Variants in NPEPPS observed in about 807,000 individuals in gnomAD.
NPEPPS encodes aminopeptidase puromycin sensitive.
NPEPPS carries 14 observed loss-of-function variants against 115.5 expected under a neutral mutation model. That is an observed-to-expected ratio of 0.12 (90% confidence interval 0.08 to 0.19). The LOEUF is 0.19. NPEPPS is among the 10% of genes least tolerant of loss of function. The probability of loss-of-function intolerance (pLI) is 1.00; values close to 1 mark genes in which losing one functional copy is unlikely to be tolerated. For missense variants in NPEPPS, 523 were observed against 1,110.8 expected, an observed-to-expected ratio of 0.47 and a Z score of 7.52; for synonymous variants, 285 against 390.6, an observed-to-expected ratio of 0.73 and a Z score of 3.19.
intron 2 of NPEPPS, among the ~76,000 whole-genome samples, chr17:47,558,489 G>A (rs1910211702): frequency 6.6e-6 from 1 of 152,038 alleles, no homozygotes. Flanking sequence ...GAGTGCAGTG[G>A]CTAGATCTCG....
At chr17:47,537,407 T>C (rs904717484) in intron 1 of NPEPPS, among the ~76,000 whole-genome samples, 6 of 152,024 alleles carry the variant, frequency 3.9e-5, no homozygotes, top group Non-Finnish European at 5.9e-5. Context: ...TAAAAAAGTT[T>C]ACTAGGCTGG....
chr17:47,551,381 T>A (rs1909638427), intron 2 of NPEPPS, among the ~76,000 whole-genome samples: 1 of 151,772 alleles, frequency 6.6e-6, no homozygotes. Context: ...AAATGAAGTT[T>A]ATTATTTATT....
chr17:47,548,921 T>C (rs1909434736), intron 2 of NPEPPS, among the ~76,000 whole-genome samples: 1 of 152,116 alleles, frequency 6.6e-6, no homozygotes, highest in Non-Finnish European at 1.5e-5. Flanking sequence ...GCTAAGCTCA[T>C]AATGATCTGT....
At chr17:47,563,877 G>A (rs1597841159) in intron 2 of NPEPPS, among the ~76,000 whole-genome samples, 1 of 149,660 alleles carries the variant, frequency 6.7e-6, no homozygotes, top group South Asian at 2.1e-4. Context: ...GCCCTGAAAA[G>A]TGTTTCTTAA....
At chr17:47,524,661 ATTTT>A (rs56230488) in intron 1 of NPEPPS, among the ~76,000 whole-genome samples, 2 of 135,446 alleles carry the variant, frequency 1.5e-5, no homozygotes, top group Admixed American at 1.5e-4. Context: ...CGCCTGGCTA[ATTTT>A]TTTTTTTTTT....
At chr17:47,573,721 G>T (rs1478740023) in intron 3 of NPEPPS, among the ~76,000 whole-genome samples, 1 of 152,112 alleles carries the variant, frequency 6.6e-6, no homozygotes, top group Non-Finnish European at 1.5e-5. Context: ...CTGTCTCAAA[G>T]AAAGGAAAAG....
In NPEPPS at chr17:47,531,295, C is replaced by T. The variant is rs1034725228; in HGVS notation, c.-6C>T. On this transcript the variant is annotated 5_prime_UTR_variant, in exon 1 of 23. Coordinates refer to ENST00000322157, the MANE Select transcript of NPEPPS (RefSeq NM_006310.4). ...CTCTCCTCCGGCGGTCGCCCGCGCTCGGTGGATGTGGCTGGCAGCTGCCGC... is the reference window on the plus strand; with the variant it reads ...CTCTCCTCCGGCGGTCGCCCGCGCTTGGTGGATGTGGCTGGCAGCTGCCGC... 6.7e-6 allele frequency: 10 copies of T among 1,484,428 alleles called. No individual in the cohort carries two copies. The highest frequency in any genetic ancestry group is 4.1e-5 in the Admixed American group (2 of 48,794). The allele number at this position is 1,484,428 out of a possible 1,614,324, so 92.0% of individuals were successfully genotyped here.
chr17:47,604,338 A>G (rs1913399223), intron 16 of NPEPPS, among the ~76,000 whole-genome samples: 1 of 152,212 alleles, frequency 6.6e-6, no homozygotes, highest in African/African-American at 2.4e-5. Context: ...CCTTGAAGAA[A>G]TGACCCTACT....
At chr17:47,584,866 C>T (rs1213346991) in intron 5 of NPEPPS, among the ~76,000 whole-genome samples, 3 of 152,064 alleles carry the variant, frequency 2.0e-5, no homozygotes, top group East Asian at 1.9e-4. Context: ...CTCGCTGTGT[C>T]GCCCAGGCTG....
chr17:47,548,639 C>T (rs572452122), intron 2 of NPEPPS, among the ~76,000 whole-genome samples: 18 of 137,168 alleles, frequency 1.3e-4, no homozygotes, highest in Admixed American at 8.2e-4. Context: ...TGTCGCCAAA[C>T]GATCTCGGCT....
intron 2 of NPEPPS, among the ~76,000 whole-genome samples, chr17:47,561,130 A>T (rs1183111364): frequency 6.6e-6 from 1 of 152,118 alleles, no homozygotes; most frequent in African/African-American, 2.4e-5. Flanking sequence ...TAAAAATTTC[A>T]ATCTTTTTTT....
rs375023518 is a variant in NPEPPS, at chr17:47,588,086, G to A, written c.1095+742G>A. Among the ~76,000 whole-genome samples, 186 of 152,166 alleles carry A rather than the reference G, an allele frequency of 1.2e-3. 4 individuals carry two copies. The East Asian group carries it at 0.029, about 24-fold the overall frequency. ...GCTAGATTCCCTGACATTTTAGGCT[G>A]CCAAAGAGCAGAACCTGATTTGAAT... On this transcript the variant is annotated intron_variant, in intron 9 of 22. Coordinates refer to ENST00000322157, the MANE Select transcript of NPEPPS (RefSeq NM_006310.4).
chr17:47,617,956 T>A (rs1914312925), intron 19 of NPEPPS, among the ~76,000 whole-genome samples: 1 of 152,118 alleles, frequency 6.6e-6, no homozygotes. Flanking sequence ...CTCAGCTCAC[T>A]GCAACCTCCC....
At chr17:47,611,328 C>T (rs1913858638) in intron 17 of NPEPPS, among the ~76,000 whole-genome samples, 1 of 151,814 alleles carries the variant, frequency 6.6e-6, no homozygotes, top group South Asian at 2.1e-4. Flanking sequence ...GGCGTGGTGG[C>T]ACAACCGTGT....
Position 47,605,460 on chromosome 17 carries a change from A to G in NPEPPS, c.2003A>G (p.His668Arg), listed in dbSNP as rs1290111773. The G allele has an allele frequency of 6.2e-7, 1 of 1,608,926 alleles. No individual in the cohort carries two copies. The highest frequency in any genetic ancestry group is 1.7e-5 in the Admixed American group (1 of 59,228). The change falls in exon 17 of 23, where the codon CAC becomes CGC. Residue 668 changes from histidine (H) to arginine (R), a missense_variant. Transcript: ENST00000322157. ...GGGATTCTCTCAACTCTCTTGTCCC[A>G]CACAGACTTCTATGAGGAAATCCAG... ...NLGILSTLLSHTDFYEEIQEF... is the reference protein window; with the variant it reads ...NLGILSTLLSRTDFYEEIQEF...
At chr17:47,593,267 C>CT in intron 12 of NPEPPS, among the ~76,000 whole-genome samples, 1 of 152,140 alleles carries the variant, frequency 6.6e-6, no homozygotes, top group South Asian at 2.1e-4. Context: ...ATTTTGCCAA[C>CT]TTAAAGAGTC....
intron 3 of NPEPPS, among the ~76,000 whole-genome samples, chr17:47,576,314 C>T (rs1299314007): frequency 6.6e-6 from 1 of 152,056 alleles, no homozygotes. Context: ...TGACACATGG[C>T]GAAACCCTGT....
At position 47,619,111 on chromosome 17, in the gene NPEPPS, G is replaced by C; in HGVS notation, c.2506G>C (p.Glu836Gln). The change falls in exon 21 of 23, where the codon GAA becomes CAA. Residue 836 changes from glutamate to glutamine, a missense_variant. Around this residue, in one of 4 missense-constraint regions of NPEPPS, gnomAD observed 372 missense variants for 542.6 expected, o/e 0.69. Coordinates refer to ENST00000322157, the MANE Select transcript of NPEPPS (RefSeq NM_006310.4). Reference protein sequence around the residue: ...AAWKFIKDNWEELYNRYQGGF... With the variant: ...AAWKFIKDNWQELYNRYQGGF... ...TTGGAAATTCATAAAGGACAACTGG[G>C]AAGAACTTTATAACCGATACCAGGG... 1 of 1,613,894 alleles carries C rather than the reference G, an allele frequency of 6.2e-7. No homozygotes were observed. The highest frequency in any genetic ancestry group is 8.5e-7 in the Non-Finnish European group (1 of 1,179,858).
chr17:47,596,309 A>G (rs1912874801), intron 12 of NPEPPS, 44 bp from the exon 13 acceptor site: 1 of 1,249,034 alleles, frequency 8.0e-7, no homozygotes, highest in African/African-American at 1.5e-5. Flanking sequence ...TGTTTAGGAA[A>G]ATAAAAATAT....
Sources: allele counts gnomAD v4.1 joint callset (sites outside exome capture counted in the v4.1 genomes callset), GRCh38; gene constraint gnomAD v4.1.1; regional missense constraint gnomAD v4.1.1; transcripts MANE v1.5; gene names NCBI Gene and HGNC (gene_info 2026-07-23, HGNC 2026-07-21).